ZNF124: variants seen among roughly 807,000 people sequenced by gnomAD.
The protein encoded by ZNF124 is zinc finger protein 124.
ZNF124 carries 25 observed loss-of-function variants against 26.6 expected under a neutral mutation model. That is an observed-to-expected ratio of 0.94 (90% CI 0.68 to 1.31). The LOEUF (loss-of-function observed/expected upper bound fraction) is 1.31, where lower values mean the gene tolerates loss of function less well. Among genes scored for constraint, ZNF124 ranks in the 40% most tolerant of loss-of-function variants. The probability of loss-of-function intolerance (pLI) is 0.00; values close to 1 mark genes in which losing one functional copy is unlikely to be tolerated. For synonymous variants in ZNF124, 129 were observed against 133.3 expected, an observed-to-expected ratio of 0.97 and a Z score of 0.22; for missense variants, 444 against 422.2, an observed-to-expected ratio of 1.05 and a Z score of -0.45.
chr1:247,146,898 G>C (rs559697505), intron 3 of ZNF124, among the ~76,000 whole-genome samples: 65 of 151,594 alleles, frequency 4.3e-4, no homozygotes, highest in African/African-American at 1.5e-3. Context: ...AACAGGTACC[G>C]GGGGGTAGCT....
At chr1:247,139,250 G>A (rs146271093) in intron 3 of ZNF124, among the ~76,000 whole-genome samples, 34 of 152,128 alleles carry the variant, frequency 2.2e-4, no homozygotes, top group South Asian at 6.2e-4. Flanking sequence ...AAATTTTCAC[G>A]GTTCACACCA....
rs1199028873 is a variant in ZNF124, at chr1:247,155,281, TAAC to T, written c.*1282_*1284del. 2.6e-5 allele frequency among the ~76,000 whole-genome samples: 4 copies of T among 152,236 alleles called. No individual in the cohort carries two copies. The East Asian group carries it at 7.7e-4, about 29-fold the overall frequency. ...GACTCATTTATCAATGGCCAATTAA[TAAC>T]AAAATAATTAAACTACACAGAAGTT... is the stretch of plus-strand genomic sequence containing the variant. On this transcript the variant is annotated 3_prime_UTR_variant, in exon 4 of 4. Coordinates refer to ENST00000543802, the MANE Select transcript of ZNF124 (RefSeq NM_001297568.2).
At chr1:247,154,882 T>C (rs60189927), downstream of ZNF124, among the ~76,000 whole-genome samples, 3,362 of 152,196 alleles carry the variant, frequency 0.022, 141 homozygotes, top group African/African-American at 0.077. Flanking sequence ...CAGAATAAAT[T>C]TGAAAAACCA....
chr1:247,157,372 A>G lies in ZNF124; in HGVS notation c.250T>C (p.Tyr84His), dbSNP rs1006497767. 5.8e-6 allele frequency: 9 copies of G among 1,553,098 alleles called. No homozygotes were observed. Among genetic ancestry groups the G allele is most frequent in the African/African-American group, 4.1e-5 (3 of 73,062 alleles). Residue 84 changes from tyrosine to histidine, a missense_variant, in exon 4 of 4, where the codon TAT (tyrosine) becomes CAT (histidine). Physicochemically the swap from Tyr to His is moderately conservative, Grantham distance 83. Coordinates refer to ENST00000543802, the MANE Select transcript of ZNF124 (RefSeq NM_001297568.2). Reference protein sequence around the residue: ...HIISHSGNNPYGCEECGKKPC... With the variant: ...HIISHSGNNPHGCEECGKKPC... ...TTCTTTCCGCATTCCTCACACCCAT[A>G]TGGGTTGTTTCCAGAATGAGATATG...
chr1:247,123,240 A>G (rs1463443548), exon 4 of ZNF124: 1 of 151,698 alleles, frequency 6.6e-6, no homozygotes, highest in Non-Finnish European at 1.5e-5. Context: ...TCTGTCACGC[A>G]GGCTGGAGTA....
At chr1:247,131,897 A>G (rs763913463) in intron 3 of ZNF124, among the ~76,000 whole-genome samples, 25 of 152,174 alleles carry the variant, frequency 1.6e-4, no homozygotes, top group Non-Finnish European at 3.1e-4. Context: ...GTTTCCCCCC[A>G]GTGAAGCACA....
chr1:247,150,205 T>C (rs925684330), downstream of ZNF124, among the ~76,000 whole-genome samples: 5 of 152,242 alleles, frequency 3.3e-5, no homozygotes, highest in African/African-American at 1.2e-4. Context: ...GGAGATATCT[T>C]GAATATATCC....
rs1275106192 is a variant in ZNF124, at chr1:247,156,492, C to T, written c.*74G>A. ...TCTGGGAAAATTAAGTACTTTCCTACACCTTACATTCACAGTTTCTCTCAA... is the reference window on the plus strand; with the variant it reads ...TCTGGGAAAATTAAGTACTTTCCTATACCTTACATTCACAGTTTCTCTCAA... On this transcript the variant is annotated 3_prime_UTR_variant, in exon 4 of 4. Transcript: ENST00000543802. The T allele has an allele frequency of 2.8e-6, 4 of 1,436,860 alleles. No individual in the cohort carries two copies. Among genetic ancestry groups the T allele is most frequent in the Admixed American group, 2.9e-5 (1 of 34,062 alleles). 89.0% of individuals were successfully genotyped at this position (1,436,860 alleles called of 1,614,324 possible). A position where few individuals can be genotyped will look rare whatever the true frequency, so the allele number is the denominator to read the frequency against.
intron 3 of ZNF124, among the ~76,000 whole-genome samples, chr1:247,145,575 A>G (rs1177670820): frequency 1.3e-5 from 2 of 152,034 alleles, no homozygotes; most frequent in African/African-American, 4.8e-5. Context: ...TTCAGATTCA[A>G]TCCACAGCCT....
At chr1:247,123,539 G>A (rs1437158974) in exon 4 of ZNF124, 4 of 281,966 alleles carry the variant, frequency 1.4e-5, no homozygotes, top group East Asian at 6.1e-5. Context: ...GATCACACAC[G>A]TATCGAACAT....
intron 3 of ZNF124, among the ~76,000 whole-genome samples, chr1:247,146,551 A>G (rs138575617): frequency 0.012 from 1,778 of 152,316 alleles, 18 homozygotes; most frequent in Non-Finnish European, 0.017. Context: ...AGACACCCCA[A>G]AGAATATCTT....
intron 1 of ZNF124, among the ~76,000 whole-genome samples, chr1:247,167,432 A>ATT (rs2103137060): frequency 6.6e-6 from 1 of 152,356 alleles, no homozygotes; most frequent in African/African-American, 2.4e-5. Context: ...TAATTCACCA[A>ATT]TTTATGTACC....
intron 3 of ZNF124, among the ~76,000 whole-genome samples, chr1:247,137,449 C>T (rs1189250083): frequency 2.3e-5 from 3 of 128,858 alleles, no homozygotes; most frequent in Non-Finnish European, 3.2e-5. Context: ...CGAGATCAGC[C>T]TGGCCAACAT....
intron 1 of ZNF124, among the ~76,000 whole-genome samples, chr1:247,160,367 A>AAT (rs1048623738): frequency 1.3e-5 from 2 of 152,188 alleles, no homozygotes; most frequent in Admixed American, 1.3e-4. Context: ...TCCAGGGAGT[A>AAT]ATATTTGCTG....
At chr1:247,162,666 C>G (rs911194087) in intron 1 of ZNF124, among the ~76,000 whole-genome samples, 8 of 136,518 alleles carry the variant, frequency 5.9e-5, no homozygotes, top group African/African-American at 2.1e-4. Context: ...TCAGATAAAA[C>G]AGACTTTAAA....
chr1:247,167,292 T>C (rs1448944876), intron 1 of ZNF124, among the ~76,000 whole-genome samples: 1 of 152,208 alleles, frequency 6.6e-6, no homozygotes, highest in Non-Finnish European at 1.5e-5. Flanking sequence ...GCCACAGTGA[T>C]CGGGCAAGGT....
chr1:247,131,547 G>A (rs777283814), intron 3 of ZNF124, among the ~76,000 whole-genome samples: 2 of 152,194 alleles, frequency 1.3e-5, no homozygotes, highest in African/African-American at 4.8e-5. Context: ...CTCCCTGGAC[G>A]GGAGGAGGTT....
intron 3 of ZNF124, among the ~76,000 whole-genome samples, chr1:247,135,443 G>T (rs1027473465): frequency 1.3e-5 from 2 of 152,034 alleles, no homozygotes; most frequent in Admixed American, 1.3e-4. Flanking sequence ...TAGAAGAAAT[G>T]GATAAATTCT....
chr1:247,167,610 G>A (rs1673853675), intron 1 of ZNF124, among the ~76,000 whole-genome samples: 1 of 152,090 alleles, frequency 6.6e-6, no homozygotes, highest in South Asian at 2.1e-4. Context: ...ACACTCAGGG[G>A]AATGAAAATA....
Sources: allele counts gnomAD v4.1 joint callset (sites outside exome capture counted in the v4.1 genomes callset), GRCh38; gene constraint gnomAD v4.1.1; transcripts MANE v1.5; gene names NCBI Gene and HGNC (gene_info 2026-07-23, HGNC 2026-07-21).